The following ENAH variants were observed in gnomAD, a reference collection of about 807,000 sequenced individuals.
ENAH encodes the protein ENAH actin regulator.
ENAH carries 23 observed loss-of-function variants against 78.7 expected under a neutral mutation model. The observed-to-expected ratio is 0.29, with a 90% CI of 0.21 to 0.41. The LOEUF is 0.41. Among genes scored for constraint, ENAH ranks in the 10% least tolerant of loss-of-function variants. ENAH has a pLI of 1.00. For missense variants in ENAH, 544 were observed against 691.0 expected (o/e 0.79, Z 2.39); for synonymous variants, 226 against 241.0 (o/e 0.94, Z 0.58).
intron 1 of ENAH, among the ~76,000 whole-genome samples, chr1:225,595,982 C>T (rs1281390727): frequency 1.3e-5 from 2 of 152,178 alleles, no homozygotes; most frequent in African/African-American, 4.8e-5. Context: ...TTCCTTACTA[C>T]TAAAGAGGAT....
chr1:225,648,077 CTT>C (rs1662302369), intron 1 of ENAH, among the ~76,000 whole-genome samples: 1 of 152,152 alleles, frequency 6.6e-6, no homozygotes, highest in African/African-American at 2.4e-5. Context: ...GAGTCCCCTT[CTT>C]GTTTCTAGTC....
intron 10 of ENAH, chr1:225,508,593 C>T (rs1012867386): frequency 1.4e-4 from 21 of 152,168 alleles, no homozygotes; most frequent in Non-Finnish European, 7.3e-5. Context: ...GGGCCTTAGC[C>T]GATTATTCCA....
chr1:225,582,810 T>C (rs1193768904), intron 1 of ENAH, among the ~76,000 whole-genome samples: 7 of 152,182 alleles, frequency 4.6e-5, no homozygotes, highest in Admixed American at 3.3e-4. Flanking sequence ...GACAGTATCA[T>C]TGGGGCTAAC....
intron 4 of ENAH, among the ~76,000 whole-genome samples, chr1:225,529,453 G>C (rs2096527020): frequency 6.6e-6 from 1 of 152,100 alleles, no homozygotes; most frequent in Non-Finnish European, 1.5e-5. Flanking sequence ...GTAATGGACG[G>C]AAAAATAAAA....
At chr1:225,640,404 A>C (rs1247615185) in intron 1 of ENAH, among the ~76,000 whole-genome samples, 1 of 152,190 alleles carries the variant, frequency 6.6e-6, no homozygotes, top group African/African-American at 2.4e-5. Flanking sequence ...AATTCATCCT[A>C]CAAGATCTTG....
intron 1 of ENAH, among the ~76,000 whole-genome samples, chr1:225,628,188 C>T (rs573453954): frequency 1.3e-5 from 2 of 152,304 alleles, no homozygotes; most frequent in South Asian, 4.1e-4. Flanking sequence ...AAAACATTCC[C>T]TCCTATTGCT....
In ENAH at chr1:225,489,241, A is replaced by T. The variant is rs1293536706; in HGVS notation, c.*8534T>A. 1 of 152,176 alleles carries T rather than the reference A, an allele frequency of 6.6e-6. No individual in the cohort carries two copies. Among genetic ancestry groups the T allele is most frequent in the Non-Finnish European group, 1.5e-5 (1 of 68,038 alleles). The allele number at this position is 152,176 out of a possible 1,614,324, so 9.4% of individuals were successfully genotyped here. A position where few individuals can be genotyped will look rare whatever the true frequency, so the allele number is the denominator to read the frequency against. On this transcript the variant is annotated 3_prime_UTR_variant, in exon 14 of 14. Coordinates refer to ENST00000366843, the MANE Select transcript of ENAH (RefSeq NM_018212.6). ...GGATCTCGTGTGGTCCCATTACATG[A>T]TTGGAATCAGTCTTTCTGAACGGCA...
chr1:225,503,337 A>C (rs1372370019), intron 11 of ENAH, among the ~76,000 whole-genome samples: 2 of 152,330 alleles, frequency 1.3e-5, no homozygotes, highest in South Asian at 2.1e-4. Flanking sequence ...TCTGTCACCC[A>C]GGCTGCAGTG....
intron 2 of ENAH, among the ~76,000 whole-genome samples, chr1:225,561,661 T>TAAAATAAAATAAAATAAAATA (rs550330495): frequency 3.2e-3 from 92 of 28,870 alleles, no homozygotes; most frequent in Non-Finnish European, 5.5e-3. Context: ...AAAATAAAAT[T>TAAAATAAAATAAAATAAAATA]AGTATGTTCA....
At chr1:225,641,528 TCACTA>T (rs1207549592) in intron 1 of ENAH, among the ~76,000 whole-genome samples, 1 of 149,248 alleles carries the variant, frequency 6.7e-6, no homozygotes, top group East Asian at 2.0e-4. Flanking sequence ...GCCGCACACT[TCACTA>T]AAGATAAAAT....
At chr1:225,647,584 C>A (rs1662196033) in intron 1 of ENAH, among the ~76,000 whole-genome samples, 1 of 152,106 alleles carries the variant, frequency 6.6e-6, no homozygotes, top group Non-Finnish European at 1.5e-5. Flanking sequence ...TAAAAAAGAA[C>A]AAAAGAAAAC....
intron 4 of ENAH, 151 bp from the exon 5 acceptor site, chr1:225,519,716 G>C: frequency 1.7e-6 from 2 of 1,190,950 alleles, no homozygotes; most frequent in Non-Finnish European, 2.3e-6. Flanking sequence ...GGCTACCTTG[G>C]ATAGAGACTG....
At chr1:225,600,912 G>T (rs1185650664) in intron 1 of ENAH, among the ~76,000 whole-genome samples, 1 of 151,864 alleles carries the variant, frequency 6.6e-6, no homozygotes, top group Admixed American at 6.6e-5. Context: ...AATATTAATT[G>T]GTAAAGCTAT....
intron 1 of ENAH, among the ~76,000 whole-genome samples, chr1:225,604,251 C>T (rs2096943916): frequency 6.6e-6 from 1 of 152,174 alleles, no homozygotes; most frequent in Non-Finnish European, 1.5e-5. Context: ...TGGACATAAT[C>T]AAAGTCCAGG....
chr1:225,558,627 C>CTTTTTTTTTTTT (rs71170091), intron 2 of ENAH, among the ~76,000 whole-genome samples: 1 of 69,216 alleles, frequency 1.4e-5, no homozygotes, highest in Non-Finnish European at 2.5e-5. Context: ...TAATTTCTGC[C>CTTTTTTTTTTTT]TTTTTTTTTT....
At chr1:225,543,059 A>G (rs976873503) in intron 3 of ENAH, among the ~76,000 whole-genome samples, 1 of 151,836 alleles carries the variant, frequency 6.6e-6, no homozygotes, top group Non-Finnish European at 1.5e-5. Flanking sequence ...TCTAAGATTG[A>G]TAGGAAGCCA....
At chr1:225,580,134 C>T (rs2096808217) in intron 1 of ENAH, 1 of 151,976 alleles carries the variant, frequency 6.6e-6, no homozygotes, top group Non-Finnish European at 1.5e-5. Flanking sequence ...TAATAATCTC[C>T]ACACCTCCTA....
intron 11 of ENAH, among the ~76,000 whole-genome samples, chr1:225,506,346 C>G (rs1203963313): frequency 1.3e-5 from 2 of 152,188 alleles, no homozygotes; most frequent in African/African-American, 4.8e-5. Context: ...CGCCACCATG[C>G]CCAGCTAATT....
At chr1:225,624,264 C>G (rs1657538364) in intron 1 of ENAH, among the ~76,000 whole-genome samples, 1 of 151,784 alleles carries the variant, frequency 6.6e-6, no homozygotes, top group African/African-American at 2.4e-5. Context: ...ACAGCAAGAC[C>G]CTGTCTTTAG....
Sources: allele counts gnomAD v4.1 joint callset (sites outside exome capture counted in the v4.1 genomes callset), GRCh38; gene constraint gnomAD v4.1.1; transcripts MANE v1.5; gene names NCBI Gene and HGNC (gene_info 2026-07-23, HGNC 2026-07-21).